Variants in LRBA observed in about 807,000 individuals in gnomAD.
LRBA encodes lipopolysaccharide-responsive and beige-like anchor protein.
LRBA carries 176 observed loss-of-function variants against 330.0 expected under a neutral mutation model. The observed-to-expected ratio is 0.53, with a 90% CI of 0.47 to 0.60. The LOEUF is 0.60. Among genes scored for constraint, LRBA ranks in the 20% least tolerant of loss-of-function variants. The probability of loss-of-function intolerance (pLI) is 0.00; values close to 1 mark genes in which losing one functional copy is unlikely to be tolerated. For synonymous variants in LRBA, 1,230 were observed against 1,193.0 expected, an observed-to-expected ratio of 1.03 and a Z score of -0.64; for missense variants, 3,259 against 3,444.8, an observed-to-expected ratio of 0.95 and a Z score of 1.35.
chr4:150,874,770 A>T (rs766888146), intron 17 of LRBA, among the ~76,000 whole-genome samples: 4 of 152,258 alleles, frequency 2.6e-5, no homozygotes, highest in African/African-American at 7.2e-5. Flanking sequence ...GCCCAGGCAG[A>T]TCTCCAGGCA....
intron 48 of LRBA, among the ~76,000 whole-genome samples, chr4:150,330,749 G>C (rs1733887385): frequency 6.6e-6 from 1 of 152,028 alleles, no homozygotes; most frequent in Non-Finnish European, 1.5e-5. Flanking sequence ...TCGGCGGTCA[G>C]GGACCCCTGC....
At chr4:150,795,171 C>T (rs62346345) in intron 34 of LRBA, among the ~76,000 whole-genome samples, 13,491 of 152,072 alleles carry the variant, frequency 0.089, 1,040 homozygotes, top group African/African-American at 0.22. Context: ...TTGAATGCAA[C>T]GTCAAGTCTT....
intron 37 of LRBA, among the ~76,000 whole-genome samples, chr4:150,632,905 C>T (rs1290793388): frequency 1.3e-5 from 2 of 152,194 alleles, no homozygotes; most frequent in Admixed American, 6.5e-5. Flanking sequence ...ACCTAATCAT[C>T]TTAGCCACTA....
intron 48 of LRBA, among the ~76,000 whole-genome samples, chr4:150,347,367 C>G (rs1269382552): frequency 6.6e-6 from 1 of 152,014 alleles, no homozygotes; most frequent in Non-Finnish European, 1.5e-5. Context: ...TAAAAATGGC[C>G]AGGGGCAGTG....
chr4:150,826,762 G>C (rs369503766), intron 30 of LRBA, among the ~76,000 whole-genome samples: 7 of 151,992 alleles, frequency 4.6e-5, no homozygotes, highest in Non-Finnish European at 7.4e-5. Flanking sequence ...GAGGTCACAA[G>C]GACCTTTATG....
chr4:150,392,160 CCTTT>C (rs1370256535), intron 47 of LRBA, among the ~76,000 whole-genome samples: 1 of 152,142 alleles, frequency 6.6e-6, no homozygotes, highest in African/African-American at 2.4e-5. Context: ...CTCTCTTCTT[CCTTT>C]CTCAGTTCTT....
intron 44 of LRBA, among the ~76,000 whole-genome samples, chr4:150,439,622 T>C (rs1361330704): frequency 1.1e-4 from 17 of 152,202 alleles, no homozygotes; most frequent in Admixed American, 1.1e-3. Context: ...ACTGATTTAT[T>C]GTGGTAATAA....
intron 44 of LRBA, among the ~76,000 whole-genome samples, chr4:150,463,978 A>G (rs1187433574): frequency 2.0e-5 from 3 of 148,930 alleles, no homozygotes; most frequent in African/African-American, 7.4e-5. Flanking sequence ...TTGGTCAGGT[A>G]CAAAGATGGA....
At chr4:150,719,603 T>C (rs1679126855) in intron 36 of LRBA, among the ~76,000 whole-genome samples, 1 of 151,670 alleles carries the variant, frequency 6.6e-6, no homozygotes, top group African/African-American at 2.4e-5. Context: ...AACAAACTGG[T>C]TCTAGAACTG....
chr4:150,587,984 A>G, intron 40 of LRBA, 64 bp downstream of exon 40: 1 of 1,541,954 alleles, frequency 6.5e-7, no homozygotes. Flanking sequence ...TACCAATCCC[A>G]ATCCTATCCA....
intron 37 of LRBA, among the ~76,000 whole-genome samples, chr4:150,607,198 A>G (rs1460183434): frequency 1.5e-4 from 23 of 152,204 alleles, no homozygotes; most frequent in Non-Finnish European, 8.8e-5. Context: ...AACTACCTGT[A>G]CATCCTAGAG....
At chr4:150,924,181 G>A (rs1171184161) in intron 4 of LRBA, among the ~76,000 whole-genome samples, 3 of 152,112 alleles carry the variant, frequency 2.0e-5, no homozygotes, top group Non-Finnish European at 4.4e-5. Context: ...AGACATTGCT[G>A]GGGGAGTGTA....
At position 150,732,466 on chromosome 4, in the gene LRBA, G is replaced by A. The variant is rs1055796702; in HGVS notation, c.5754+2792C>T. Among the ~76,000 whole-genome samples, 11 of 152,032 alleles carry A rather than the reference G, an allele frequency of 7.2e-5. No individual in the cohort carries two copies. In the East Asian group the frequency reaches 1.3e-3, roughly 19 times the overall value. ...TCTCTCTTATTCACTTCAACAGTAC[G>A]TTATCATTCTTTTTACTGTCTCTCA... On this transcript the variant is annotated intron_variant, in intron 36 of 56. Transcript: ENST00000651943.
intron 30 of LRBA, among the ~76,000 whole-genome samples, chr4:150,824,153 G>A (rs761210117): frequency 3.3e-5 from 5 of 151,918 alleles, no homozygotes; most frequent in African/African-American, 7.2e-5. Context: ...TTCTTTGGCT[G>A]TTTATTCCTA....
intron 40 of LRBA, among the ~76,000 whole-genome samples, chr4:150,496,063 C>T (rs1759558490): frequency 6.6e-6 from 1 of 152,086 alleles, no homozygotes; most frequent in Admixed American, 6.6e-5. Flanking sequence ...ATTATATACA[C>T]ACATAAATAT....
chr4:150,837,267 T>C (rs930258845), intron 28 of LRBA, among the ~76,000 whole-genome samples: 52 of 152,354 alleles, frequency 3.4e-4, no homozygotes, highest in African/African-American at 1.1e-3. Flanking sequence ...AGAATGATTA[T>C]TCTGTTGATT....
At chr4:150,970,074 AACCCTCCACCACCAAAAAGATTAGGAC>A (rs1327648828) in intron 2 of LRBA, among the ~76,000 whole-genome samples, 2 of 152,318 alleles carry the variant, frequency 1.3e-5, no homozygotes, top group Admixed American at 6.5e-5. Flanking sequence ...ATCGAGGCAA[AACCCTCCACCACCAAAAAGATTAGGAC>A]ACTCTGAATG....
chr4:150,426,192 G>T (rs770771590), intron 46 of LRBA, among the ~76,000 whole-genome samples: 2 of 151,864 alleles, frequency 1.3e-5, no homozygotes, highest in African/African-American at 4.8e-5. Context: ...TTTAAATTTA[G>T]TTTGTCCTAA....
intron 53 of LRBA, among the ~76,000 whole-genome samples, chr4:150,293,495 G>A (rs972568405): frequency 3.3e-5 from 5 of 152,212 alleles, no homozygotes; most frequent in Admixed American, 2.6e-4. Flanking sequence ...TAGACATATA[G>A]ACTATAGATG....
Sources: gnomAD v4.1 joint callset for allele counts (sites outside exome capture counted in the v4.1 genomes callset) on GRCh38, gnomAD v4.1.1 for gene constraint, MANE v1.5 for transcripts, NCBI Gene and HGNC (gene_info 2026-07-23, HGNC 2026-07-21) for gene names.